Variants in CFAP54 observed in about 807,000 individuals in gnomAD.
CFAP54 encodes cilia and flagella associated protein 54.
CFAP54 carries 290 observed loss-of-function variants against 370.4 expected under a neutral mutation model. The ratio of observed to expected loss-of-function variants is 0.78; its 90% CI spans 0.71 to 0.86. CFAP54 has a LOEUF of 0.86. CFAP54 is among the 40% of genes least tolerant of loss of function. The pLI, the probability that CFAP54 is intolerant of heterozygous loss-of-function variation, is 0.00. For missense variants in CFAP54, 3,399 were observed against 3,528.7 expected, an observed-to-expected ratio of 0.96 and a Z score of 0.93; for synonymous variants, 1,206 against 1,236.5, an observed-to-expected ratio of 0.98 and a Z score of 0.52.
intron 60 of CFAP54, among the ~76,000 whole-genome samples, chr12:96,777,540 G>T (rs780114110): frequency 1.3e-5 from 2 of 151,948 alleles, no homozygotes; most frequent in Non-Finnish European, 2.9e-5. Context: ...GTAGAGACGG[G>T]GTTTCTCCAT....
chr12:96,730,684 G>A (rs139563412), intron 50 of CFAP54, among the ~76,000 whole-genome samples: 1 of 152,264 alleles, frequency 6.6e-6, no homozygotes, highest in East Asian at 1.9e-4. Context: ...TTTGGAAGAG[G>A]AGTTGCATTT....
intron 14 of CFAP54, among the ~76,000 whole-genome samples, chr12:96,545,803 A>G (rs1487238606): frequency 6.6e-6 from 1 of 152,178 alleles, no homozygotes; most frequent in Non-Finnish European, 1.5e-5. Flanking sequence ...ATGCATATCT[A>G]ATGAAGTCTC....
chr12:96,516,579 A>T (rs1161297095), intron 5 of CFAP54, among the ~76,000 whole-genome samples: 7 of 151,932 alleles, frequency 4.6e-5, no homozygotes, highest in Admixed American at 3.3e-4. Context: ...GACTTCTGAA[A>T]CCTCTTTCCC....
At chr12:96,672,653 G>GT (rs1168999657) in intron 39 of CFAP54, among the ~76,000 whole-genome samples, 9 of 152,120 alleles carry the variant, frequency 5.9e-5, no homozygotes, top group African/African-American at 7.2e-5. Flanking sequence ...TGTGTGATGA[G>GT]TTTTTTTCAG....
At chr12:96,535,963 A>G (rs1460841248) in intron 12 of CFAP54, among the ~76,000 whole-genome samples, 4 of 152,238 alleles carry the variant, frequency 2.6e-5, no homozygotes, top group African/African-American at 9.6e-5. Flanking sequence ...GTATTTTAAA[A>G]TGACCTATAA....
intron 26 of CFAP54, among the ~76,000 whole-genome samples, chr12:96,602,465 A>G (rs1190510925): frequency 2.0e-5 from 3 of 152,326 alleles, no homozygotes; most frequent in South Asian, 2.1e-4. Context: ...GTGGATGTCT[A>G]TTAGGTCTCC....
chr12:96,683,288 G>A (rs994873081), intron 40 of CFAP54, among the ~76,000 whole-genome samples: 3 of 152,314 alleles, frequency 2.0e-5, no homozygotes, highest in East Asian at 1.9e-4. Flanking sequence ...CACCATGAAT[G>A]TGACAGTTAC....
rs779001203 is a variant in CFAP54, at chr12:96,522,189, T to G, written c.1158T>G (p.Thr386=). The G allele has an allele frequency of 6.6e-7, 1 of 1,515,812 alleles. No individual in the cohort carries two copies. Among genetic ancestry groups the G allele is most frequent in the Non-Finnish European group, 8.8e-7 (1 of 1,132,350 alleles). 93.9% of individuals were successfully genotyped at this position (1,515,812 alleles called of 1,614,324 possible). The change falls in exon 8 of 68, where the codon ACT becomes ACG. Residue 386 remains threonine (T), a splice_region_variant and synonymous_variant. Coordinates refer to ENST00000524981, the MANE Select transcript of CFAP54 (RefSeq NM_001306084.2). ...GAATTAACCTAAGGGAAGTACAAACTGTAAGTCTAAACATGTCTTCTCTCT... is the reference window on the plus strand; with the variant it reads ...GAATTAACCTAAGGGAAGTACAAACGGTAAGTCTAAACATGTCTTCTCTCT... The part of the protein sequence containing the change: ...KIRINLREVQ[T]LSWPRTVTER...
chr12:96,655,263 T>C (rs1284001867), intron 36 of CFAP54, among the ~76,000 whole-genome samples: 3 of 151,578 alleles, frequency 2.0e-5, no homozygotes, highest in African/African-American at 7.3e-5. Flanking sequence ...AGGACCTAGA[T>C]TGTTGCATTT....
intron 66 of CFAP54, among the ~76,000 whole-genome samples, chr12:96,852,131 A>T (rs187966666): frequency 7.4e-4 from 112 of 152,226 alleles, no homozygotes; most frequent in African/African-American, 2.5e-3. Context: ...ATTCACATGG[A>T]CATACAAAGG....
Position 96,625,729 on chromosome 12 carries a change from G to A in CFAP54, c.3898G>A (p.Glu1300Lys). 1 of 1,534,036 alleles carries A rather than the reference G, an allele frequency of 6.5e-7. No individual in the cohort carries two copies. The highest frequency in any genetic ancestry group is 8.7e-7 in the Non-Finnish European group (1 of 1,145,798). ...TTTTTTAACCTTAGATGTTACATCTGAACTCTCAGGAGGAGAGGACCCTAT... is the reference window on the plus strand; with the variant it reads ...TTTTTTAACCTTAGATGTTACATCTAAACTCTCAGGAGGAGAGGACCCTAT... ...LKLTKQYVTS[E>K]LSGGEDPIFL... The change falls in exon 29 of 68, where the codon GAA (glutamate) becomes AAA (lysine). Residue 1300 changes from glutamate (E) to lysine (K), a missense_variant. Transcript: ENST00000524981.
At chr12:96,808,252 C>T (rs1295189326) in intron 63 of CFAP54, among the ~76,000 whole-genome samples, 1 of 152,106 alleles carries the variant, frequency 6.6e-6, no homozygotes, top group Non-Finnish European at 1.5e-5. Context: ...ACTGATTGCT[C>T]TTATGGCTCA....
At chr12:96,806,213 T>TATATATATATA (rs1392329026) in intron 63 of CFAP54, among the ~76,000 whole-genome samples, 2 of 49,712 alleles carry the variant, frequency 4.0e-5, no homozygotes, top group East Asian at 6.7e-4. Context: ...TATATATATA[T>TATATATATATA]AATAACAACA....
Position 96,685,558 on chromosome 12 carries a change from G to GT in CFAP54, c.6014+331dup, listed in dbSNP as rs5800263. ...ACTTGTTTTTTTTGTTGTTGTTTGG[G>GT]TTTTTTTTTTTGAGACGGAGTCTCA... On this transcript the variant is annotated intron_variant, in intron 42 of 67. Transcript: ENST00000524981. Among the ~76,000 whole-genome samples, 392 of 148,438 alleles carry GT rather than the reference G, an allele frequency of 2.6e-3. 1 individual carries two copies. Among genetic ancestry groups the GT allele is most frequent in the Non-Finnish European group, 4.3e-3 (288 of 67,130 alleles).
chr12:96,799,868 A>G (rs369764572), intron 63 of CFAP54, among the ~76,000 whole-genome samples: 1 of 152,188 alleles, frequency 6.6e-6, no homozygotes, highest in African/African-American at 2.4e-5. Context: ...AACACAAAAA[A>G]CACTAGAATG....
chr12:96,586,118 T>G (rs1345888273), intron 22 of CFAP54, among the ~76,000 whole-genome samples: 1 of 152,200 alleles, frequency 6.6e-6, no homozygotes, highest in Non-Finnish European at 1.5e-5. Flanking sequence ...TTGCCCCAGG[T>G]TAGTGACTCT....
intron 9 of CFAP54, among the ~76,000 whole-genome samples, chr12:96,529,402 A>T (rs574359382): frequency 1.3e-5 from 2 of 152,242 alleles, no homozygotes; most frequent in Non-Finnish European, 2.9e-5. Flanking sequence ...TTGCAAGAGC[A>T]TGGGATATTC....
chr12:96,835,458 C>A (rs1221520318), intron 66 of CFAP54, among the ~76,000 whole-genome samples: 1 of 152,198 alleles, frequency 6.6e-6, no homozygotes, highest in African/African-American at 2.4e-5. Flanking sequence ...AGCCCCCAGC[C>A]TTCAGGCCCT....
Position 96,534,215 on chromosome 12 carries a change from A to G in CFAP54, c.1693A>G (p.Ile565Val). 1 of 1,434,120 alleles carries G rather than the reference A, an allele frequency of 7.0e-7. No individual in the cohort carries two copies. The highest frequency in any genetic ancestry group is 9.3e-7 in the Non-Finnish European group (1 of 1,070,260). The allele number at this position is 1,434,120 out of a possible 1,614,324, so 88.8% of individuals were successfully genotyped here. The change falls in exon 11 of 68, where the codon ATT (isoleucine) becomes GTT (valine). Residue 565 changes from isoleucine (I) to valine (V), a missense_variant. By Grantham distance (29) the Ile-to-Val change is conservative (BLOSUM62 3). Transcript: ENST00000524981. ...GQSTQIYLKK[I>V]AVHDTCLKTC... is the part of the protein sequence containing the mutation. ...GTCAACTCAAATTTATTTAAAAAAA[A>G]TTGCTGTTCATGGTAAGTATTTATT...
Sources: allele counts gnomAD v4.1 joint callset (sites outside exome capture counted in the v4.1 genomes callset), GRCh38; gene constraint gnomAD v4.1.1; transcripts MANE v1.5; gene names NCBI Gene and HGNC (gene_info 2026-07-23, HGNC 2026-07-21).